The following FHIT variants were observed in gnomAD, a reference collection of about 807,000 sequenced individuals.
FHIT encodes the protein bis(5'-adenosyl)-triphosphatase.
Under a neutral mutation model 17.9 loss-of-function variants are expected in FHIT, and 19 were observed. The ratio of observed to expected loss-of-function variants is 1.06; its 90% CI spans 0.74 to 1.56. The LOEUF (loss-of-function observed/expected upper bound fraction) is 1.56. Among genes scored for constraint, FHIT ranks in the 40% most tolerant of loss-of-function variants. FHIT has a pLI of 0.00. For synonymous variants in FHIT, 81 were observed against 69.7 expected (o/e 1.16, Z -0.81); for missense variants, 248 against 189.2 (o/e 1.31, Z -1.82).
At position 61,036,306 on chromosome 3, in the gene FHIT, G is replaced by A. The variant is rs2033235271; in HGVS notation, c.-111+5741C>T. On this transcript the variant is annotated intron_variant, in intron 3 of 9. Coordinates refer to ENST00000492590, the MANE Select transcript of FHIT (RefSeq NM_002012.4). ...AAGGGACTGATGCTAAGCTATTCAT[G>A]AGGGATCAGCCCCCCCTGATCTAAT... Among the ~76,000 whole-genome samples, 4 of 151,638 alleles carry A rather than the reference G, an allele frequency of 2.6e-5. No homozygotes were observed. The South Asian group carries it at 8.3e-4, about 32-fold the overall frequency.
chr3:60,539,621 A>T (rs983297844), intron 4 of FHIT, among the ~76,000 whole-genome samples: 39 of 152,228 alleles, frequency 2.6e-4, no homozygotes, highest in Non-Finnish European at 7.3e-5. Flanking sequence ...ATAAAAAAGG[A>T]TGAGTTCATG....
intron 3 of FHIT, among the ~76,000 whole-genome samples, chr3:60,857,181 G>T (rs1169640453): frequency 6.6e-6 from 1 of 152,030 alleles, no homozygotes; most frequent in African/African-American, 2.4e-5. Flanking sequence ...CTTGGGAGGG[G>T]GGATTCTAAT....
At chr3:60,352,845 C>T (rs73107049) in intron 5 of FHIT, among the ~76,000 whole-genome samples, 8,571 of 152,082 alleles carry the variant, frequency 0.056, 331 homozygotes, top group Non-Finnish European at 0.087. Context: ...TCCTACTTAC[C>T]CAGTTTTGTC....
At chr3:60,534,380 C>T (rs1323138378) in intron 5 of FHIT, among the ~76,000 whole-genome samples, 1 of 128,892 alleles carries the variant, frequency 7.8e-6, no homozygotes, top group South Asian at 2.8e-4. Flanking sequence ...TTGCAGTGAG[C>T]CGAGATTGCG....
intron 7 of FHIT, among the ~76,000 whole-genome samples, chr3:59,979,062 G>A (rs1172145887): frequency 6.6e-6 from 1 of 152,086 alleles, no homozygotes; most frequent in African/African-American, 2.4e-5. Flanking sequence ...AATTGTTAGG[G>A]TGCTATTCTT....
At position 60,768,880 on chromosome 3, in the gene FHIT, G is replaced by A. The variant is rs1437604983; in HGVS notation, c.-18+53039C>T. Among the ~76,000 whole-genome samples the A allele has an allele frequency of 4.6e-5, 7 of 152,308 alleles. No homozygotes were observed. The East Asian group carries it at 1.4e-3, about 29-fold the overall frequency. On this transcript the variant is annotated intron_variant, in intron 4 of 9. Coordinates refer to ENST00000492590, the MANE Select transcript of FHIT (RefSeq NM_002012.4). ...AAAGATACAGAAAAATACCCTGACT[G>A]GACCCTCCAGCCACCTGGGGGCATG...
intron 5 of FHIT, among the ~76,000 whole-genome samples, chr3:60,034,874 T>C (rs1396656610): frequency 6.6e-6 from 1 of 152,236 alleles, no homozygotes; most frequent in Non-Finnish European, 1.5e-5. Context: ...TTACCAGCCA[T>C]TCACAGCATT....
At chr3:59,761,842 C>A (rs560985508) in intron 8 of FHIT, among the ~76,000 whole-genome samples, 2 of 152,092 alleles carry the variant, frequency 1.3e-5, no homozygotes, top group African/African-American at 4.8e-5. Context: ...ATGACCTGCC[C>A]GCCTCGGCCT....
At chr3:60,530,414 A>G (rs2035733082) in intron 5 of FHIT, among the ~76,000 whole-genome samples, 1 of 152,090 alleles carries the variant, frequency 6.6e-6, no homozygotes, top group Admixed American at 6.5e-5. Flanking sequence ...CCAATTTCAA[A>G]CCTTCCTTGC....
At chr3:61,065,444 T>C (rs1010526042) in intron 2 of FHIT, among the ~76,000 whole-genome samples, 2 of 152,160 alleles carry the variant, frequency 1.3e-5, no homozygotes, top group Non-Finnish European at 2.9e-5. Flanking sequence ...AATCATAGAA[T>C]CATGGAATAT....
At chr3:61,142,846 GAC>G (rs2037124423) in intron 2 of FHIT, among the ~76,000 whole-genome samples, 1 of 152,034 alleles carries the variant, frequency 6.6e-6, no homozygotes. Flanking sequence ...CTAGAAGTCT[GAC>G]ACATAGAAAG....
At chr3:60,855,360 G>A (rs781894259) in intron 3 of FHIT, among the ~76,000 whole-genome samples, 7 of 152,098 alleles carry the variant, frequency 4.6e-5, no homozygotes, top group Non-Finnish European at 7.4e-5. Context: ...AAAAGTCATA[G>A]TTGCAAGAGG....
intron 1 of FHIT, among the ~76,000 whole-genome samples, chr3:61,216,002 T>A (rs1000813809): frequency 6.6e-6 from 1 of 152,118 alleles, no homozygotes; most frequent in Non-Finnish European, 1.5e-5. Context: ...TCAAGATGCA[T>A]TAAAGACTTA....
At chr3:60,057,004 T>C (rs1462731724) in intron 5 of FHIT, among the ~76,000 whole-genome samples, 1 of 152,032 alleles carries the variant, frequency 6.6e-6, no homozygotes, top group Non-Finnish European at 1.5e-5. Flanking sequence ...TCTGGGAACT[T>C]GGGATGCTTT....
intron 4 of FHIT, among the ~76,000 whole-genome samples, chr3:60,694,809 C>A (rs1209114921): frequency 1.3e-5 from 2 of 151,826 alleles, no homozygotes; most frequent in Non-Finnish European, 2.9e-5. Context: ...CAAACTATGG[C>A]AAGGACAAAA....
At chr3:60,862,791 G>T (rs1703977056) in intron 3 of FHIT, among the ~76,000 whole-genome samples, 2 of 150,782 alleles carry the variant, frequency 1.3e-5, no homozygotes, top group African/African-American at 4.9e-5. Context: ...GGCAGAGGTT[G>T]CAGTGAGCCA....
intron 1 of FHIT, among the ~76,000 whole-genome samples, chr3:61,208,113 A>G (rs1489355222): frequency 6.6e-6 from 1 of 152,044 alleles, no homozygotes. Flanking sequence ...GTTTCCATGT[A>G]ATTGAGTGGT....
intron 5 of FHIT, among the ~76,000 whole-genome samples, chr3:60,250,368 A>G (rs1412611953): frequency 6.6e-6 from 1 of 152,178 alleles, no homozygotes; most frequent in Non-Finnish European, 1.5e-5. Context: ...TTTTTACCTC[A>G]TATACTGACA....
chr3:60,646,322 G>A, intron 4 of FHIT, among the ~76,000 whole-genome samples: 1 of 152,072 alleles, frequency 6.6e-6, no homozygotes, highest in Non-Finnish European at 1.5e-5. Flanking sequence ...AATATCAAGT[G>A]AGCAAAATGG....
Sources: gnomAD v4.1 joint callset for allele counts (sites outside exome capture counted in the v4.1 genomes callset) on GRCh38, gnomAD v4.1.1 for gene constraint, MANE v1.5 for transcripts, NCBI Gene and HGNC (gene_info 2026-07-23, HGNC 2026-07-21) for gene names.